Variants in VNN2 observed in about 807,000 individuals in gnomAD.
The protein encoded by VNN2 is pantetheine hydrolase VNN2.
In VNN2, 43 loss-of-function variants were observed where a neutral mutation model predicts 43.0. That is an observed-to-expected ratio of 1.00 (90% CI 0.78 to 1.29). VNN2 has a LOEUF of 1.29. Among genes scored for constraint, VNN2 ranks in the 50% most tolerant of loss-of-function variants. VNN2 has a pLI of 0.00. For missense variants in VNN2, 652 were observed against 619.7 expected, an observed-to-expected ratio of 1.05 and a Z score of -0.55; for synonymous variants, 230 against 224.3, an observed-to-expected ratio of 1.03 and a Z score of -0.23.
chr6:132,750,995 CGTGTGTGT>C, intron 5 of VNN2, 142 bp downstream of exon 5: 1 of 852,780 alleles, frequency 1.2e-6, no homozygotes, highest in Non-Finnish European at 1.8e-6. Flanking sequence ...CATAAATGCA[CGTGTGTGT>C]GTGTGTGTTG....
chr6:132,761,158 T>G (rs75324688), upstream of VNN2, among the ~76,000 whole-genome samples: 4,305 of 152,198 alleles, frequency 0.028, 194 homozygotes, highest in African/African-American at 0.099. Context: ...AGATGATTGA[T>G]CAGGTAAAGA....
chr6:132,744,043 G>A lies in VNN2; in HGVS notation c.*257C>T. Reference sequence around the variant, plus strand: ...GTCTCAAGCAAATGAGGCTGGAGCTGGAGTTTGATCTTCATTTATCTGACC... The same window carrying A: ...GTCTCAAGCAAATGAGGCTGGAGCTAGAGTTTGATCTTCATTTATCTGACC... On this transcript the variant is annotated 3_prime_UTR_variant, in exon 7 of 7. Coordinates refer to ENST00000326499, the MANE Select transcript of VNN2 (RefSeq NM_004665.6). 3.4e-6 allele frequency: 1 copy of A among 290,708 alleles called. No individual in the cohort carries two copies. The highest frequency in any genetic ancestry group is 6.1e-5 in the South Asian group (1 of 16,462). 18.0% of individuals were successfully genotyped at this position (290,708 alleles called of 1,614,324 possible).
Position 132,744,108 on chromosome 6 carries a change from T to C in VNN2, c.*192A>G. 2.1e-6 allele frequency: 1 copy of C among 477,102 alleles called. No individual in the cohort carries two copies. The highest frequency in any genetic ancestry group is 3.4e-5 in the South Asian group (1 of 29,346). The allele number at this position is 477,102 out of a possible 1,614,324, so 29.6% of individuals were successfully genotyped here. On this transcript the variant is annotated 3_prime_UTR_variant, in exon 7 of 7. Coordinates refer to ENST00000326499, the MANE Select transcript of VNN2 (RefSeq NM_004665.6). ...CTTTCCATTGTTCCACACTGCAACA[T>C]TTCAGAGTAGCCAAAAAAATGGACA...
At position 132,751,472 on chromosome 6, in the gene VNN2, G is replaced by T; in HGVS notation, c.873C>A (p.Asp291Glu). 2 of 1,614,074 alleles carry T rather than the reference G, an allele frequency of 1.2e-6. No individual in the cohort carries two copies. The highest frequency in any genetic ancestry group is 1.7e-4 in the Middle Eastern group (1 of 6,060). The change falls in exon 5 of 7, where the codon GAC (aspartate) becomes GAA (glutamate). Residue 291 changes from aspartate (D) to glutamate (E), a missense_variant. Physicochemically the swap from Asp to Glu is conservative, Grantham distance 45. Transcript: ENST00000326499. ...APNGPKVYHY[D>E]MKTELGKLLL... ...GAAGTTTTCCCAACTCTGTCTTCAT[G>T]TCATAATGATACACTTTGGGACCAT...
upstream of VNN2, among the ~76,000 whole-genome samples, chr6:132,760,198 A>G (rs1780707484): frequency 1.3e-5 from 2 of 152,090 alleles, 1 homozygote; most frequent in South Asian, 4.1e-4. Flanking sequence ...GTTTTGAGAC[A>G]GAGTCTTGCT....
upstream of VNN2, among the ~76,000 whole-genome samples, chr6:132,761,430 C>A (rs549306907): frequency 5.9e-5 from 9 of 151,312 alleles, no homozygotes; most frequent in East Asian, 1.7e-3. Flanking sequence ...GAGGCCGAGG[C>A]GGGCGAATTA....
rs142626186 is a variant in VNN2 at position 132,755,860 on chromosome 6, C to T, written c.520G>A (p.Val174Met). Residue 174 changes from valine to methionine, a missense_variant, in exon 3 of 7, where the codon GTG becomes ATG. Physicochemically the swap from Val to Met is conservative, Grantham distance 21. Transcript: ENST00000326499. Reference sequence around the variant, plus strand: ...TCTCTTACCTTATGGTAACGTGCCACGAGTTTTCCTTCTGTATTATACACC... The same window carrying T: ...TCTCTTACCTTATGGTAACGTGCCATGAGTTTTCCTTCTGTATTATACACC... Reference protein sequence around the residue: ...NVVYNTEGKLVARYHKYHLYS... With the variant: ...NVVYNTEGKLMARYHKYHLYS... The T allele has an allele frequency of 2.5e-3, 4,097 of 1,612,392 alleles. 10 individuals are homozygous for T. The highest frequency in any genetic ancestry group is 2.5e-3 in the Non-Finnish European group (2,940 of 1,179,060).
At chr6:132,751,650 T>C (rs1780113590) in intron 4 of VNN2, 132 bp from the exon 5 acceptor site, 1 of 1,049,698 alleles carries the variant, frequency 9.5e-7, no homozygotes, top group Admixed American at 2.9e-5. Flanking sequence ...TACATGCTTC[T>C]AATTGCACTG....
chr6:132,757,504 A>T lies in VNN2; in HGVS notation c.256T>A (p.Trp86Arg). ...IVTPEDALYG[W>R]KFTRETVFPY... ...AAAACAGTTTCCCTGGTAAATTTCCATCCATAAAGTGCATCTTCTGGAGTC... is the reference window on the plus strand; with the variant it reads ...AAAACAGTTTCCCTGGTAAATTTCCTTCCATAAAGTGCATCTTCTGGAGTC... The change falls in exon 2 of 7, where the codon TGG becomes AGG. Residue 86 changes from tryptophan to arginine, a missense_variant. Coordinates refer to ENST00000326499, the MANE Select transcript of VNN2 (RefSeq NM_004665.6). 6.2e-7 allele frequency: 1 copy of T among 1,614,096 alleles called. No homozygotes were observed. The highest frequency in any genetic ancestry group is 8.5e-7 in the Non-Finnish European group (1 of 1,179,990).
chr6:132,760,827 G>C (rs907633477), upstream of VNN2: 6 of 152,096 alleles, frequency 3.9e-5, no homozygotes, highest in African/African-American at 1.4e-4. Context: ...AAATGATGTT[G>C]ATCAGAGTTT....
In VNN2 at chr6:132,752,480, A is replaced by C; in HGVS notation, c.807T>G (p.His269Gln). The C allele has an allele frequency of 6.2e-7, 1 of 1,613,934 alleles. No individual in the cohort carries two copies. The highest frequency in any genetic ancestry group is 1.3e-5 in the African/African-American group (1 of 75,036). The change falls in exon 4 of 7, where the codon CAT (histidine) becomes CAG (glutamine). Residue 269 changes from histidine to glutamine, a missense_variant. By Grantham distance (24) the His-to-Gln change is conservative. Coordinates refer to ENST00000326499, the MANE Select transcript of VNN2 (RefSeq NM_004665.6). ...GVNLLVANTH[H>Q]VSLNMTGSGI... ...AATTACCTGTCATATTTAGGCTGAC[A>C]TGATGTGTGTTGGCCACAAGAAGAT...
At chr6:132,749,273 T>C (rs1259814896) in intron 6 of VNN2, among the ~76,000 whole-genome samples, 2 of 152,208 alleles carry the variant, frequency 1.3e-5, no homozygotes, top group Non-Finnish European at 2.9e-5. Flanking sequence ...GCAAACACGG[T>C]GCAAGCAGAG....
upstream of VNN2, among the ~76,000 whole-genome samples, chr6:132,759,404 G>A (rs539492109): frequency 1.5e-4 from 21 of 136,186 alleles, no homozygotes; most frequent in South Asian, 2.3e-3. Flanking sequence ...ACACCATTGC[G>A]CTCCAGGCTG....
chr6:132,750,038 G>T (rs1454111493), intron 5 of VNN2, among the ~76,000 whole-genome samples, 173 bp from the exon 6 acceptor site: 1 of 152,152 alleles, frequency 6.6e-6, no homozygotes, highest in Non-Finnish European at 1.5e-5. Flanking sequence ...AGTGACTTGA[G>T]AATCAACCCA....
At chr6:132,760,915 GT>G (rs1297530647), upstream of VNN2, 1 of 151,986 alleles carries the variant, frequency 6.6e-6, no homozygotes, top group Non-Finnish European at 1.5e-5. Context: ...TCCCTCCTTT[GT>G]TTTTTTATTT....
At chr6:132,759,453 A>AC (rs1780683400), upstream of VNN2, among the ~76,000 whole-genome samples, 3 of 150,692 alleles carry the variant, frequency 2.0e-5, no homozygotes, top group Admixed American at 6.6e-5. Flanking sequence ...AAAAAAAAAA[A>AC]AAAAAAAACA....
In VNN2 at chr6:132,744,269, T is replaced by C; in HGVS notation, c.*31A>G. ...CGATAAACACATTCAGCCAAGCATA[T>C]GATGCAGAAGCTGAGTGATAAAGAG... On this transcript the variant is annotated 3_prime_UTR_variant, in exon 7 of 7. Transcript: ENST00000326499. 1.3e-6 allele frequency: 2 copies of C among 1,573,246 alleles called. No individual in the cohort carries two copies. Among genetic ancestry groups the C allele is most frequent in the Non-Finnish European group, 1.7e-6 (2 of 1,163,258 alleles).
At chr6:132,759,092 A>G (rs945994662), upstream of VNN2, among the ~76,000 whole-genome samples, 2 of 152,188 alleles carry the variant, frequency 1.3e-5, no homozygotes, top group African/African-American at 4.8e-5. Flanking sequence ...AATAAGGAGA[A>G]GATGTAACTT....
chr6:132,752,760 T>C lies in VNN2; in HGVS notation c.538-11A>G. The C allele has an allele frequency of 2.5e-6, 4 of 1,603,642 alleles. No individual in the cohort carries two copies. Among genetic ancestry groups the C allele is most frequent in the Non-Finnish European group, 3.4e-6 (4 of 1,175,238 alleles). On this transcript the variant is annotated splice_polypyrimidine_tract_variant and intron_variant, in intron 3 of 6. Coordinates refer to ENST00000326499, the MANE Select transcript of VNN2 (RefSeq NM_004665.6). The stretch of plus-strand genomic sequence containing the variant: ...AGAGTACAGGTGGTACTACAACAAA[T>C]GGATAGGAGAAAACCAGTAAAACCT...
Sources: gnomAD v4.1 joint callset for allele counts (sites outside exome capture counted in the v4.1 genomes callset) on GRCh38, gnomAD v4.1.1 for gene constraint, MANE v1.5 for transcripts, NCBI Gene and HGNC (gene_info 2026-07-23, HGNC 2026-07-21) for gene names.